TUT4: variants seen among roughly 807,000 people sequenced by gnomAD.
TUT4 encodes terminal uridylyl transferase 4.
A neutral mutation model predicts 192.2 loss-of-function variants in TUT4; 36 were observed. That is an observed-to-expected ratio of 0.19 (90% CI 0.14 to 0.25). TUT4 has a LOEUF of 0.25. TUT4 is among the 10% of genes least tolerant of loss of function. The pLI is 1.00. For synonymous variants in TUT4, 618 were observed against 666.0 expected (o/e 0.93, Z 1.11); for missense variants, 1,493 against 1,957.2 (o/e 0.76, Z 4.47).
intron 14 of TUT4, among the ~76,000 whole-genome samples, chr1:52,470,454 T>C (rs1365586331): frequency 6.6e-6 from 1 of 152,092 alleles, no homozygotes; most frequent in African/African-American, 2.4e-5. Context: ...AATAAAAGCA[T>C]ATGTCCATAC....
chr1:52,446,519 A>C (rs1232450495), intron 21 of TUT4, 71 bp downstream of exon 21: 1 of 1,538,984 alleles, frequency 6.5e-7, no homozygotes, highest in African/African-American at 1.4e-5. Context: ...TTTAAGTAAA[A>C]TTATTAAATT....
At chr1:52,460,230 C>T (rs1236308341) in intron 19 of TUT4, among the ~76,000 whole-genome samples, 1 of 151,836 alleles carries the variant, frequency 6.6e-6, no homozygotes, top group Non-Finnish European at 1.5e-5. Context: ...CACAATAATC[C>T]CAGCACTTTG....
intron 13 of TUT4, 22 bp from the exon 14 acceptor site, chr1:52,472,124 T>C: frequency 6.2e-7 from 1 of 1,607,170 alleles, no homozygotes; most frequent in South Asian, 1.1e-5. Context: ...TAAAAAGAAA[T>C]CTAATCTAAT....
At chr1:52,470,934 C>T (rs1175669418) in intron 14 of TUT4, among the ~76,000 whole-genome samples, 1 of 151,118 alleles carries the variant, frequency 6.6e-6, no homozygotes, top group East Asian at 1.9e-4. Flanking sequence ...ATAGGCTTAT[C>T]TCTCTCTATT....
rs1674273399 is a variant in TUT4 at position 52,502,101 on chromosome 1, G to A, written c.1000-4918C>T. ...TGTACACTTAAAAATGGTTAAAATG[G>A]TAAATTTTATCTTATATATATTTTA... On this transcript the variant is annotated intron_variant, in intron 4 of 29. Transcript: ENST00000257177. 2.7e-5 allele frequency among the ~76,000 whole-genome samples: 4 copies of A among 147,966 alleles called. No individual in the cohort carries two copies. The South Asian group carries it at 8.5e-4, about 32-fold the overall frequency.
intron 4 of TUT4, among the ~76,000 whole-genome samples, chr1:52,502,235 C>G (rs12567625): frequency 6.6e-6 from 1 of 151,950 alleles, no homozygotes; most frequent in East Asian, 1.9e-4. Flanking sequence ...ATTTGCATTT[C>G]TAGGCCTTCC....
At chr1:52,542,299 T>C (rs973881178) in intron 1 of TUT4, among the ~76,000 whole-genome samples, 2 of 152,144 alleles carry the variant, frequency 1.3e-5, no homozygotes, top group Non-Finnish European at 2.9e-5. Context: ...TGTAAATAAA[T>C]TTAATGTCAC....
Position 52,423,828 on chromosome 1 carries a change from CTT to C in TUT4, c.*105_*106del. The C allele has an allele frequency of 1.3e-6, 2 of 1,552,230 alleles. No individual in the cohort carries two copies. Among genetic ancestry groups the C allele is most frequent in the South Asian group, 2.4e-5 (2 of 83,990 alleles). On this transcript the variant is annotated 3_prime_UTR_variant, in exon 30 of 30. Coordinates refer to ENST00000257177, the MANE Select transcript of TUT4 (RefSeq NM_001009881.3). Reference sequence around the variant, plus strand: ...TTGTTTTGCTTTCCATTAAATGTCACTTTTTCTGCTGAATGTAACTGACATTG... The same window carrying C: ...TTGTTTTGCTTTCCATTAAATGTCACTTTCTGCTGAATGTAACTGACATTG...
In TUT4 at chr1:52,431,463, G is replaced by A. The variant is rs555049809; in HGVS notation, c.4264-3C>T. 2.7e-6 allele frequency: 4 copies of A among 1,509,176 alleles called. No homozygotes were observed. The African/African-American group carries it at 5.6e-5, about 21-fold the overall frequency. The allele number at this position is 1,509,176 out of a possible 1,614,324, so 93.5% of individuals were successfully genotyped here. ...GGAGAATAAGATGGTGATTCAGACTGCAGACAAAAAAAAAATTTTTTTTAA... is the reference window on the plus strand; with the variant it reads ...GGAGAATAAGATGGTGATTCAGACTACAGACAAAAAAAAAATTTTTTTTAA... On this transcript the variant is annotated splice_polypyrimidine_tract_variant and splice_region_variant and intron_variant, in intron 27 of 29. Coordinates refer to ENST00000257177, the MANE Select transcript of TUT4 (RefSeq NM_001009881.3).
intron 27 of TUT4, 66 bp from the exon 28 acceptor site, chr1:52,431,526 T>A (rs772318052): frequency 1.7e-5 from 21 of 1,211,438 alleles, no homozygotes; most frequent in Non-Finnish European, 2.1e-5. Context: ...AAAGTAGAGA[T>A]AAAATACAAA....
chr1:52,427,684 C>T (rs1650438602), intron 28 of TUT4, among the ~76,000 whole-genome samples: 1 of 152,184 alleles, frequency 6.6e-6, no homozygotes. Context: ...CAGCAAAATA[C>T]CTTACTTGCA....
At position 52,526,004 on chromosome 1, in the gene TUT4, G is replaced by C; in HGVS notation, c.277C>G (p.Gln93Glu). ...AATTTTTTTGCTTTGCAATGACTTTGATCTCGAAGGACTAACCCCAAATCT... is the reference window on the plus strand; with the variant it reads ...AATTTTTTTGCTTTGCAATGACTTTCATCTCGAAGGACTAACCCCAAATCT... Reference protein sequence around the residue: ...PKDLGLVLRDQSHCKAKKFPN... With the variant: ...PKDLGLVLRDESHCKAKKFPN... Residue 93 changes from glutamine to glutamate, a missense_variant, in exon 2 of 30, where the codon CAA (glutamine) becomes GAA (glutamate). Gln to Glu is a conservative substitution (Grantham distance 29). Coordinates refer to ENST00000257177, the MANE Select transcript of TUT4 (RefSeq NM_001009881.3). 6.2e-7 allele frequency: 1 copy of C among 1,614,078 alleles called. No homozygotes were observed. Among genetic ancestry groups the C allele is most frequent in the Non-Finnish European group, 8.5e-7 (1 of 1,180,016 alleles).
chr1:52,462,650 G>A, intron 16 of TUT4: 1 of 893,834 alleles, frequency 1.1e-6, no homozygotes, highest in Non-Finnish European at 1.3e-6. Flanking sequence ...TCAGCAGAAT[G>A]CCTGGCACAA....
chr1:52,477,224 C>G (rs1667331056), intron 12 of TUT4, among the ~76,000 whole-genome samples: 1 of 152,104 alleles, frequency 6.6e-6, no homozygotes, highest in Admixed American at 6.5e-5. Flanking sequence ...TGGCAGAAAT[C>G]TTTAAATAAA....
rs1229514473 is a variant in TUT4 at position 52,429,602 on chromosome 1, A to AT, written c.4711+1410dup. 2.1e-4 allele frequency among the ~76,000 whole-genome samples: 31 copies of AT among 147,130 alleles called. No individual in the cohort carries two copies. The East Asian group carries it at 2.2e-3, about 11-fold the overall frequency. On this transcript the variant is annotated intron_variant, in intron 28 of 29. Coordinates refer to ENST00000257177, the MANE Select transcript of TUT4 (RefSeq NM_001009881.3). ...TTTTTTTAATTTTATTTATTTATTTATTTTTTTTTGAGAGAGTCTCACTCT... is the reference window on the plus strand; with the variant it reads ...TTTTTTTAATTTTATTTATTTATTTATTTTTTTTTTGAGAGAGTCTCACTCT...
chr1:52,461,909 T>A, intron 16 of TUT4, 140 bp from the exon 17 acceptor site: 1 of 555,060 alleles, frequency 1.8e-6, no homozygotes, highest in East Asian at 3.1e-5. Context: ...AGTAAGTGAT[T>A]CATAGACCTA....
At chr1:52,435,522 C>G in intron 26 of TUT4, 57 bp from the exon 27 acceptor site, 1 of 1,339,688 alleles carries the variant, frequency 7.5e-7, no homozygotes, top group Admixed American at 1.8e-5. Context: ...AGAGAAATGA[C>G]AATAAATAAA....
intron 28 of TUT4, among the ~76,000 whole-genome samples, chr1:52,429,900 G>GT (rs1254960453): frequency 3.9e-5 from 6 of 152,046 alleles, no homozygotes; most frequent in African/African-American, 1.4e-4. Context: ...GCCTGTGTAT[G>GT]TTTAAGTGTG....
chr1:52,446,003 G>A lies in TUT4; in HGVS notation c.3693C>T (p.Asp1231=). ...CAAGGTTATGATTCAAGTCAAAAGG[G>A]TCTACAAAAGAAATATATCAATGAT... ...QWTSKCIAIE[D]PFDLNHNLGA... The change falls in exon 23 of 30, where the codon GAC becomes GAT. Residue 1231 remains aspartate, a splice_region_variant and synonymous_variant. Coordinates refer to ENST00000257177, the MANE Select transcript of TUT4 (RefSeq NM_001009881.3). 6.2e-7 allele frequency: 1 copy of A among 1,601,132 alleles called. No individual in the cohort carries two copies. The highest frequency in any genetic ancestry group is 8.5e-7 in the Non-Finnish European group (1 of 1,176,438).
Sources: allele counts gnomAD v4.1 joint callset (sites outside exome capture counted in the v4.1 genomes callset), GRCh38; gene constraint gnomAD v4.1.1; transcripts MANE v1.5; gene names NCBI Gene and HGNC (gene_info 2026-07-23, HGNC 2026-07-21).